Variants in PCDHGA11 observed in about 807,000 individuals in gnomAD.
The protein encoded by PCDHGA11 is protocadherin gamma subfamily A, 11.
PCDHGA11 carries 39 observed loss-of-function variants against 60.4 expected under a neutral mutation model. The observed-to-expected ratio is 0.65, with a 90% CI of 0.50 to 0.84. The LOEUF is 0.84. PCDHGA11 is among the 40% of genes least tolerant of loss of function. The pLI is 0.00. For synonymous variants in PCDHGA11, 533 were observed against 510.3 expected, an observed-to-expected ratio of 1.04 and a Z score of -0.60; for missense variants, 1,165 against 1,197.7, an observed-to-expected ratio of 0.97 and a Z score of 0.40.
intron 1 of PCDHGA11, among the ~76,000 whole-genome samples, chr5:141,482,188 G>C (rs1178289472): frequency 2.6e-5 from 4 of 152,122 alleles, no homozygotes; most frequent in African/African-American, 9.7e-5. Context: ...CGATGCTCCA[G>C]TTCTAGTAAA....
rs769074023 is a variant in PCDHGA11 at position 141,491,738 on chromosome 5, G to T, written c.2434-3069G>T. On this transcript the variant is annotated intron_variant, in intron 1 of 3. Transcript: ENST00000398587. The surrounding 1 kb of genome is among the most constrained non-coding windows in gnomAD (Gnocchi z 6.9). The stretch of plus-strand genomic sequence containing the variant: ...GCGCCGCCCCGGGCGACCCCTGGGG[G>T]CGGCACTGGAGAAGCCGCCCGTCCT... 38 of 1,600,228 alleles carry T rather than the reference G, an allele frequency of 2.4e-5. No homozygotes were observed. The highest frequency in any genetic ancestry group is 3.1e-5 in the Non-Finnish European group (36 of 1,174,204).
chr5:141,427,099 A>G (rs989437547), intron 1 of PCDHGA11: 3 of 457,936 alleles, frequency 6.6e-6, no homozygotes, highest in African/African-American at 6.0e-5. Context: ...GAGGGTGTCA[A>G]TGCGGAGATC....
intron 1 of PCDHGA11, among the ~76,000 whole-genome samples, chr5:141,460,737 G>GTA (rs1393989215): frequency 2.0e-5 from 3 of 150,700 alleles, no homozygotes; most frequent in East Asian, 1.9e-4. Context: ...TATACACATT[G>GTA]TATATATATG....
chr5:141,485,726 C>G lies in PCDHGA11; in HGVS notation c.2434-9081C>G. On this transcript the variant is annotated intron_variant, in intron 1 of 3. Transcript: ENST00000398587. The surrounding 1 kb of genome is among the most constrained non-coding windows in gnomAD (Gnocchi z 5.7). ...ACACTTTGCACTGGATGTGAAGAAG[C>G]GCAGCGACGGCAGCCTGGTCCCAGA... 2 of 1,614,140 alleles carry G rather than the reference C, an allele frequency of 1.2e-6. No individual in the cohort carries two copies. The highest frequency in any genetic ancestry group is 1.1e-5 in the South Asian group (1 of 91,082).
intron 1 of PCDHGA11, among the ~76,000 whole-genome samples, chr5:141,465,904 C>T (rs1364574558): frequency 2.0e-5 from 3 of 152,046 alleles, no homozygotes; most frequent in Admixed American, 6.5e-5. Context: ...GGGCAAATCA[C>T]GAGGTCAGGA....
chr5:141,432,482 G>T lies in PCDHGA11; in HGVS notation c.2433+8822G>T, dbSNP rs768206517. 2.5e-6 allele frequency: 4 copies of T among 1,614,060 alleles called. No individual in the cohort carries two copies. Among genetic ancestry groups the T allele is most frequent in the Non-Finnish European group, 3.4e-6 (4 of 1,180,052 alleles). ...CCTCCCCACGGACGGTTCCACTGGC[G>T]TGGAGCTGGCTCCCCGCTCCGCAGA... On this transcript the variant is annotated intron_variant, in intron 1 of 3. Transcript: ENST00000398587. The surrounding 1 kb of genome is among the most constrained non-coding windows in gnomAD (Gnocchi z 6.0).
In PCDHGA11 at chr5:141,422,662, G is replaced by A. The variant is rs771844166; in HGVS notation, c.1435G>A (p.Asp479Asn). The change falls in exon 1 of 4, where the codon GAC becomes AAC. Residue 479 changes from aspartate (D) to asparagine (N), a missense_variant. Physicochemically the swap from Asp to Asn is conservative, Grantham distance 23. Transcript: ENST00000398587. Reference sequence around the variant, plus strand: ...CTCCATCTTCTCAGTGACCGCCCTCGACCCGGACAGCAAACAGAATGCCCT... The same window carrying A: ...CTCCATCTTCTCAGTGACCGCCCTCAACCCGGACAGCAAACAGAATGCCCT... ...GASIFSVTAL[D>N]PDSKQNALVT... 4 of 1,608,410 alleles carry A rather than the reference G, an allele frequency of 2.5e-6. No individual in the cohort carries two copies. In the South Asian group the frequency reaches 3.3e-5, roughly 13 times the overall value.
chr5:141,442,414 ACTT>A (rs1258523193), intron 1 of PCDHGA11: 2 of 152,190 alleles, frequency 1.3e-5, no homozygotes, highest in Non-Finnish European at 2.9e-5. Flanking sequence ...GGCTGAGTGA[ACTT>A]CTTTTTTGAA....
intron 1 of PCDHGA11, among the ~76,000 whole-genome samples, chr5:141,492,824 C>T (rs1027583244): frequency 4.6e-5 from 7 of 152,236 alleles, no homozygotes. Context: ...ACCAGCGGCC[C>T]CTTCCTCCCG....
At chr5:141,459,237 C>T (rs1004453705) in intron 1 of PCDHGA11, among the ~76,000 whole-genome samples, 1 of 152,214 alleles carries the variant, frequency 6.6e-6, no homozygotes, top group Admixed American at 6.5e-5. Flanking sequence ...AACTGGTCTG[C>T]TTCCTGTCAC....
rs2099619316 is a variant in PCDHGA11, at chr5:141,485,794, C to A, written c.2434-9013C>A. The A allele has an allele frequency of 6.2e-7, 1 of 1,614,120 alleles. No homozygotes were observed. The highest frequency in any genetic ancestry group is 1.1e-5 in the South Asian group (1 of 91,092). On this transcript the variant is annotated intron_variant, in intron 1 of 3. Transcript: ENST00000398587. This position sits in a 1 kb window ranked among gnomAD's most constrained non-coding sequence, Gnocchi z 5.7. ...CTTTGGATCGAGAGAAGCAATCGGA[C>A]TACCGCCTGGTGCTGACTGCTGTCG...
At position 141,486,761 on chromosome 5, in the gene PCDHGA11, A is replaced by G. The variant is rs1368106682; in HGVS notation, c.2434-8046A>G. 1 of 1,614,114 alleles carries G rather than the reference A, an allele frequency of 6.2e-7. No homozygotes were observed. The highest frequency in any genetic ancestry group is 8.5e-7 in the Non-Finnish European group (1 of 1,180,056). ...ATCCTTTGACTATGAGCAAACCCAG[A>G]CACTGCAGTTTGAGGTGCAGGCCCG... On this transcript the variant is annotated intron_variant, in intron 1 of 3. Transcript: ENST00000398587. The surrounding 1 kb of genome is among the most constrained non-coding windows in gnomAD (Gnocchi z 5.0).
chr5:141,441,954 C>T, intron 1 of PCDHGA11: 1 of 319,608 alleles, frequency 3.1e-6, no homozygotes, highest in Non-Finnish European at 6.0e-6. Context: ...TGCAGGCCAG[C>T]AAGCCCAGGC....
chr5:141,478,146 T>C (rs1457995929), intron 1 of PCDHGA11: 1 of 1,613,978 alleles, frequency 6.2e-7, no homozygotes, highest in Non-Finnish European at 8.5e-7. Context: ...CGAGCCGAGT[T>C]CCCCTCTGGC....
At position 141,431,782 on chromosome 5, in the gene PCDHGA11, C is replaced by A. The variant is rs767269112; in HGVS notation, c.2433+8122C>A. The A allele has an allele frequency of 6.2e-7, 1 of 1,614,082 alleles. No homozygotes were observed. On this transcript the variant is annotated intron_variant, in intron 1 of 3. Transcript: ENST00000398587. This position sits in a 1 kb window ranked among gnomAD's most constrained non-coding sequence, Gnocchi z 4.8. Reference sequence around the variant, plus strand: ...TCCTGATCACTGTTCTGGACGTGAACGACAATGCCCCAGAAGTGGTCCTCA... The same window carrying A: ...TCCTGATCACTGTTCTGGACGTGAAAGACAATGCCCCAGAAGTGGTCCTCA...
intron 1 of PCDHGA11, chr5:141,427,320 G>GT: frequency 2.2e-6 from 1 of 457,086 alleles, no homozygotes; most frequent in Non-Finnish European, 4.4e-6. Context: ...CCCAGACGTG[G>GT]TTTTTACTTC....
chr5:141,438,617 TATATATATATATATATATACAC>T (rs1342425883), intron 1 of PCDHGA11, among the ~76,000 whole-genome samples: 18 of 37,162 alleles, frequency 4.8e-4, no homozygotes, highest in Admixed American at 2.0e-3. Flanking sequence ...TATATATATA[TATATATATATATATATATACAC>T]ACACACACAC....
In PCDHGA11 at chr5:141,476,288, C is replaced by A. The variant is rs1446743849; in HGVS notation, c.2434-18519C>A. 3.1e-6 allele frequency: 5 copies of A among 1,613,980 alleles called. No homozygotes were observed. The highest frequency in any genetic ancestry group is 3.4e-6 in the Non-Finnish European group (4 of 1,180,026). ...CGTGGTCGCGAACCTTGGTTTGGAT[C>A]TCGGTAGCCTCTCAGCCCGCAGGTT... On this transcript the variant is annotated intron_variant, in intron 1 of 3. Coordinates refer to ENST00000398587, the MANE Select transcript of PCDHGA11 (RefSeq NM_018914.3). This position sits in a 1 kb window ranked among gnomAD's most constrained non-coding sequence, Gnocchi z 7.6.
At chr5:141,433,208 C>T (rs780155661) in intron 1 of PCDHGA11, 90 of 1,293,816 alleles carry the variant, frequency 7.0e-5, no homozygotes, top group Middle Eastern at 5.9e-4. Flanking sequence ...AATCTTCTTT[C>T]TTTTTTTTTT....
Sources: gnomAD v4.1 joint callset for allele counts (sites outside exome capture counted in the v4.1 genomes callset) on GRCh38, gnomAD v4.1.1 for gene constraint, Gnocchi (gnomAD v3.1) non-coding constraint, MANE v1.5 for transcripts, NCBI Gene and HGNC (gene_info 2026-07-23, HGNC 2026-07-21) for gene names.